The following C1orf21 variants were observed in gnomAD, a reference collection of about 807,000 sequenced individuals.
The protein encoded by C1orf21 is uncharacterized protein C1orf21.
A neutral mutation model predicts 18.7 loss-of-function variants in C1orf21; 3 were observed. That is an observed-to-expected ratio of 0.16 (90% CI 0.07 to 0.42). The LOEUF is 0.42. C1orf21 is among the 10% of genes least tolerant of loss of function. The pLI is 0.99. For synonymous variants in C1orf21, 41 were observed against 46.4 expected, an observed-to-expected ratio of 0.88 and a Z score of 0.47; for missense variants, 104 against 143.6, an observed-to-expected ratio of 0.72 and a Z score of 1.41.
chr1:184,547,420 C>CTTTTTTTT (rs34169321), intron 3 of C1orf21, among the ~76,000 whole-genome samples: 1 of 102,942 alleles, frequency 9.7e-6, no homozygotes, highest in Non-Finnish European at 1.9e-5. Context: ...TACATCCAGA[C>CTTTTTTTT]TTTTTTTTTT....
intron 1 of C1orf21, among the ~76,000 whole-genome samples, chr1:184,456,539 T>C (rs942573869): frequency 6.6e-6 from 1 of 152,238 alleles, no homozygotes; most frequent in African/African-American, 2.4e-5. Flanking sequence ...TTATATTCTT[T>C]TACGGTAAAG....
chr1:184,512,904 C>T (rs1220048724), intron 3 of C1orf21, among the ~76,000 whole-genome samples: 1 of 152,198 alleles, frequency 6.6e-6, no homozygotes, highest in Non-Finnish European at 1.5e-5. Context: ...TGCATCTGCT[C>T]CTCATCGCTC....
intron 1 of C1orf21, among the ~76,000 whole-genome samples, chr1:184,414,904 G>C (rs1656424412): frequency 6.6e-6 from 1 of 152,108 alleles, no homozygotes; most frequent in African/African-American, 2.4e-5. Flanking sequence ...TGTGTGGGGG[G>C]AAAGCAAGCC....
intron 1 of C1orf21, among the ~76,000 whole-genome samples, chr1:184,408,828 C>A (rs1051127053): frequency 6.6e-6 from 1 of 152,258 alleles, no homozygotes; most frequent in Middle Eastern, 3.4e-3. Context: ...CAGGTTTCAC[C>A]GCCTTTTCTC....
intron 3 of C1orf21, chr1:184,542,609 C>G (rs973895914): frequency 4.6e-5 from 7 of 152,206 alleles, no homozygotes; most frequent in African/African-American, 1.7e-4. Context: ...GAGAAACTTC[C>G]ATGTCAGAGA....
intron 3 of C1orf21, among the ~76,000 whole-genome samples, chr1:184,574,088 C>T (rs1276201625): frequency 6.6e-6 from 1 of 151,966 alleles, no homozygotes; most frequent in African/African-American, 2.4e-5. Context: ...GCCTGTAATC[C>T]CAGCTACTCG....
intron 2 of C1orf21, among the ~76,000 whole-genome samples, chr1:184,486,153 G>GCT (rs1481508810): frequency 1.3e-5 from 2 of 152,186 alleles, no homozygotes; most frequent in African/African-American, 4.8e-5. Flanking sequence ...AAGTAAAAGT[G>GCT]CTCAGCCCAG....
At chr1:184,605,387 T>G (rs1400719570) in intron 5 of C1orf21, among the ~76,000 whole-genome samples, 1 of 152,206 alleles carries the variant, frequency 6.6e-6, no homozygotes. Flanking sequence ...TGTCTTTGTT[T>G]CCTCAGAACC....
At chr1:184,537,194 G>A (rs114552349) in intron 3 of C1orf21, among the ~76,000 whole-genome samples, 2,627 of 152,196 alleles carry the variant, frequency 0.017, 35 homozygotes, top group African/African-American at 0.034. Context: ...GACATTGAAT[G>A]CATTCATAAT....
chr1:184,436,067 G>C (rs564970177), intron 1 of C1orf21, among the ~76,000 whole-genome samples: 6 of 152,240 alleles, frequency 3.9e-5, no homozygotes, highest in African/African-American at 7.2e-5. Flanking sequence ...AGAATGGGAC[G>C]TGTGGGAGAA....
chr1:184,422,854 A>G (rs1192834764), intron 1 of C1orf21, among the ~76,000 whole-genome samples: 1 of 152,188 alleles, frequency 6.6e-6, no homozygotes, highest in African/African-American at 2.4e-5. Context: ...CTTGTCCCCC[A>G]ATGGCTTGGT....
intron 3 of C1orf21, among the ~76,000 whole-genome samples, chr1:184,573,872 A>T (rs1339851660): frequency 6.6e-6 from 1 of 152,130 alleles, no homozygotes; most frequent in Non-Finnish European, 1.5e-5. Flanking sequence ...AATAAATAAA[A>T]AATTCAAACT....
At chr1:184,468,849 G>C (rs536817865) in intron 1 of C1orf21, among the ~76,000 whole-genome samples, 3 of 152,006 alleles carry the variant, frequency 2.0e-5, no homozygotes, top group Non-Finnish European at 2.9e-5. Flanking sequence ...AACTCAGGAG[G>C]CAGAGATGCA....
chr1:184,590,680 A>G, intron 3 of C1orf21, 59 bp from the exon 4 acceptor site: 3 of 1,506,322 alleles, frequency 2.0e-6, no homozygotes, highest in Non-Finnish European at 2.8e-6. Flanking sequence ...AAACTCATAC[A>G]CTTGTTTAAT....
At chr1:184,614,766 C>T (rs1440390389) in intron 5 of C1orf21, among the ~76,000 whole-genome samples, 4 of 152,200 alleles carry the variant, frequency 2.6e-5, no homozygotes, top group Non-Finnish European at 4.4e-5. Context: ...ATTGGATTCT[C>T]ATAAGGAGCA....
intron 1 of C1orf21, among the ~76,000 whole-genome samples, chr1:184,467,108 G>A (rs968562391): frequency 6.6e-6 from 1 of 152,182 alleles, no homozygotes; most frequent in Admixed American, 6.5e-5. Flanking sequence ...ATGAACTGAA[G>A]AAGTCATTGT....
chr1:184,462,808 G>A (rs1310510423), intron 1 of C1orf21, among the ~76,000 whole-genome samples: 2 of 152,142 alleles, frequency 1.3e-5, no homozygotes, highest in Non-Finnish European at 2.9e-5. Flanking sequence ...TCGGCCGGGT[G>A]TGGTGGCTCA....
At chr1:184,592,832 G>A (rs1571293605) in intron 4 of C1orf21, among the ~76,000 whole-genome samples, 2 of 152,180 alleles carry the variant, frequency 1.3e-5, no homozygotes, top group Admixed American at 6.5e-5. Flanking sequence ...GGAGACCTCA[G>A]GGGGTAGGTA....
rs115295465 is a variant in C1orf21 at position 184,509,207 on chromosome 1, C to T, written c.189+1525C>T. On this transcript the variant is annotated intron_variant, in intron 3 of 5. Transcript: ENST00000235307. ...CTTGTATAGTTTGTGAGTTTTTTCT[C>T]AGTGTGCTTTCATCATCATATTTAG... 1.4e-3 allele frequency among the ~76,000 whole-genome samples: 216 copies of T among 152,292 alleles called. 1 individual carries two copies. Among genetic ancestry groups the T allele is most frequent in the Middle Eastern group, 6.8e-3 (2 of 294 alleles).
Sources: gnomAD v4.1 joint callset for allele counts (sites outside exome capture counted in the v4.1 genomes callset) on GRCh38, gnomAD v4.1.1 for gene constraint, MANE v1.5 for transcripts, NCBI Gene and HGNC (gene_info 2026-07-23, HGNC 2026-07-21) for gene names.